The following STKLD1 variants were observed in gnomAD, a reference collection of about 807,000 sequenced individuals.
The protein encoded by STKLD1 is serine/threonine kinase-like domain-containing protein STKLD1.
STKLD1 carries 79 observed loss-of-function variants against 80.4 expected under a neutral mutation model. That is an observed-to-expected ratio of 0.98 (90% CI 0.82 to 1.19). The LOEUF is 1.19. STKLD1 is among the 50% of genes most tolerant of loss of function. The pLI, the probability that STKLD1 is intolerant of heterozygous loss-of-function variation, is 0.00. For missense variants in STKLD1, 841 were observed against 856.0 expected (o/e 0.98, Z 0.22); for synonymous variants, 393 against 357.6 (o/e 1.10, Z -1.12).
At position 133,389,691 on chromosome 9, in the gene STKLD1, G is replaced by C; in HGVS notation, c.467+95G>C. 1 of 1,563,094 alleles carries C rather than the reference G, an allele frequency of 6.4e-7. No individual in the cohort carries two copies. The highest frequency in any genetic ancestry group is 2.3e-5 in the East Asian group (1 of 43,408). ...GTGCCAGTGCCCGTGGGCAGGATCT[G>C]GGGAGAAAGGTGCACCGGGCCAGTG... is the stretch of plus-strand genomic sequence containing the variant. On this transcript the variant is annotated intron_variant, in intron 6 of 17. Transcript: ENST00000371957. This position sits in a 1 kb window ranked among gnomAD's most constrained non-coding sequence, Gnocchi z 6.4.
At chr9:133,396,027 T>A (rs990584836) in intron 9 of STKLD1, 3 of 303,696 alleles carry the variant, frequency 9.9e-6, no homozygotes, top group Non-Finnish European at 1.2e-5. Context: ...CACGACACTT[T>A]TAGGGTTCCA....
intron 11 of STKLD1, among the ~76,000 whole-genome samples, chr9:133,399,860 CAG>C (rs1175185280): frequency 7.0e-6 from 1 of 141,922 alleles, no homozygotes; most frequent in Non-Finnish European, 1.5e-5. Flanking sequence ...GCCTAGGCGA[CAG>C]AGTGAGACTC....
At chr9:133,404,254 T>G (rs1340099173) in intron 16 of STKLD1, among the ~76,000 whole-genome samples, 1 of 152,236 alleles carries the variant, frequency 6.6e-6, no homozygotes, top group Non-Finnish European at 1.5e-5. Context: ...GTCTCTGCGT[T>G]ATGCTACCCT....
In STKLD1 at chr9:133,401,734, G is replaced by A. The variant is rs1554777694; in HGVS notation, c.1199-4G>A. 6.2e-7 allele frequency: 1 copy of A among 1,610,900 alleles called. No homozygotes were observed. Among genetic ancestry groups the A allele is most frequent in the East Asian group, 2.2e-5 (1 of 44,782 alleles). On this transcript the variant is annotated splice_region_variant and splice_polypyrimidine_tract_variant and intron_variant, in intron 12 of 17. Transcript: ENST00000371957. ...CCCCAGGCGTCTTCCTCTGGCTTGA[G>A]CAGCGCTGGTGCACCACCCGGAAGC...
At position 133,389,393 on chromosome 9, in the gene STKLD1, T is replaced by G; in HGVS notation, c.397-133T>G. On this transcript the variant is annotated intron_variant, in intron 5 of 17. Transcript: ENST00000371957. This position sits in a 1 kb window ranked among gnomAD's most constrained non-coding sequence, Gnocchi z 6.4. The stretch of plus-strand genomic sequence containing the variant: ...TGAAGCCTCCTCCACCCTGAGCGCT[T>G]GGCTGGCTTCAGGCCTGTCTCAAGA... 1.4e-6 allele frequency: 2 copies of G among 1,464,092 alleles called. No individual in the cohort carries two copies. Among genetic ancestry groups the G allele is most frequent in the East Asian group, 5.1e-5 (2 of 39,358 alleles). The allele number at this position is 1,464,092 out of a possible 1,614,324, so 90.7% of individuals were successfully genotyped here. A position where few individuals can be genotyped will look rare whatever the true frequency, so the allele number is the denominator to read the frequency against.
At chr9:133,386,858 G>A (rs1162396763) in intron 4 of STKLD1, among the ~76,000 whole-genome samples, 3 of 152,206 alleles carry the variant, frequency 2.0e-5, no homozygotes, top group African/African-American at 7.2e-5. Context: ...TCCCACCTGG[G>A]GCCAACAATC....
intron 2 of STKLD1, among the ~76,000 whole-genome samples, chr9:133,382,093 C>G (rs1210196506): frequency 6.6e-6 from 1 of 152,176 alleles, no homozygotes; most frequent in African/African-American, 2.4e-5. Flanking sequence ...CCCTTGCCAC[C>G]ACCCTTCCCT....
At chr9:133,380,914 T>C (rs962424449) in intron 2 of STKLD1, among the ~76,000 whole-genome samples, 1 of 152,094 alleles carries the variant, frequency 6.6e-6, no homozygotes, top group Admixed American at 6.5e-5. Context: ...CCCGTCTTGC[T>C]TGATGTGCTG....
chr9:133,385,485 C>A lies in STKLD1; in HGVS notation c.220-132C>A. The A allele has an allele frequency of 1.2e-6, 1 of 853,966 alleles. No homozygotes were observed. The highest frequency in any genetic ancestry group is 2.6e-5 in the East Asian group (1 of 38,602). 52.9% of individuals were successfully genotyped at this position (853,966 alleles called of 1,614,324 possible). A position where few individuals can be genotyped will look rare whatever the true frequency, so the allele number is the denominator to read the frequency against. ...GGCTCCCAACCACCGTGCAGCTTCC[C>A]TGAGCCCACTCCCTGGCCCAGCTCA... On this transcript the variant is annotated intron_variant, in intron 3 of 17. Coordinates refer to ENST00000371957, the MANE Select transcript of STKLD1 (RefSeq NM_153710.5). This position sits in a 1 kb window ranked among gnomAD's most constrained non-coding sequence, Gnocchi z 4.9.
In STKLD1 at chr9:133,376,438, G is replaced by A. The variant is rs2130247607; in HGVS notation, c.-36G>A. 5.8e-6 allele frequency: 9 copies of A among 1,542,190 alleles called. No individual in the cohort carries two copies. The highest frequency in any genetic ancestry group is 1.8e-4 in the Middle Eastern group (1 of 5,412). On this transcript the variant is annotated 5_prime_UTR_variant, in exon 1 of 18. Coordinates refer to ENST00000371957, the MANE Select transcript of STKLD1 (RefSeq NM_153710.5). ...ACTGACCCACGCGGGGTGGGGCCAG[G>A]GGTGGACGCTCGCCCGTACGCGGTC...
At position 133,395,768 on chromosome 9, in the gene STKLD1, G is replaced by A; in HGVS notation, c.866+5G>A. On this transcript the variant is annotated splice_donor_5th_base_variant and intron_variant, in intron 9 of 17. Coordinates refer to ENST00000371957, the MANE Select transcript of STKLD1 (RefSeq NM_153710.5). ...CTCGGATCGAATAACGATAAAGTGA[G>A]CTCAGGGTCGGGGTTTATTTTAACC... is the stretch of plus-strand genomic sequence containing the variant. The A allele has an allele frequency of 6.2e-7, 1 of 1,612,922 alleles. No individual in the cohort carries two copies. The highest frequency in any genetic ancestry group is 8.5e-7 in the Non-Finnish European group (1 of 1,179,716).
In STKLD1 at chr9:133,376,470, G is replaced by A. The variant is rs2130248228; in HGVS notation, c.-4G>A. The A allele has an allele frequency of 5.7e-6, 9 of 1,584,270 alleles. No individual in the cohort carries two copies. Among genetic ancestry groups the A allele is most frequent in the Non-Finnish European group, 7.7e-6 (9 of 1,167,822 alleles). The stretch of plus-strand genomic sequence containing the variant: ...CGCTCGCCCGTACGCGGTCGCTACT[G>A]ATCATGCTTGGGCCAGGGTCCAATC... On this transcript the variant is annotated 5_prime_UTR_variant, in exon 1 of 18. Coordinates refer to ENST00000371957, the MANE Select transcript of STKLD1 (RefSeq NM_153710.5).
At position 133,395,583 on chromosome 9, in the gene STKLD1, G is replaced by A. The variant is rs1838538386; in HGVS notation, c.703-17G>A. The A allele has an allele frequency of 1.2e-6, 2 of 1,611,966 alleles. No homozygotes were observed. The highest frequency in any genetic ancestry group is 4.5e-5 in the East Asian group (2 of 44,844). Reference sequence around the variant, plus strand: ...TTTACTTAAGGGAATACACAGAGCTGTCCTCTCTCCGTGCAGGGCACAGAA... The same window carrying A: ...TTTACTTAAGGGAATACACAGAGCTATCCTCTCTCCGTGCAGGGCACAGAA... On this transcript the variant is annotated splice_polypyrimidine_tract_variant and intron_variant, in intron 8 of 17. Coordinates refer to ENST00000371957, the MANE Select transcript of STKLD1 (RefSeq NM_153710.5).
At chr9:133,397,892 GC>G in intron 10 of STKLD1, 79 bp from the exon 11 acceptor site, 1 of 1,168,956 alleles carries the variant, frequency 8.6e-7, no homozygotes, top group South Asian at 1.4e-5. Flanking sequence ...ACAGCAGCCA[GC>G]CCAGTGTGGT....
Position 133,404,889 on chromosome 9 carries a change from G to A in STKLD1, c.1833G>A (p.Val611=), listed in dbSNP as rs2130694197. ...YQLHRDDPEV[V]ENVGMLLVHL... ...TCCACAGGGACGACCCGGAGGTGGT[G>A]GAGAACGTGGGCATGCTGCTGGTCC... The change falls in exon 17 of 18, where the codon GTG becomes GTA. Residue 611 remains valine, a synonymous_variant. Coordinates refer to ENST00000371957, the MANE Select transcript of STKLD1 (RefSeq NM_153710.5). 1.9e-6 allele frequency: 3 copies of A among 1,613,430 alleles called. No homozygotes were observed. The highest frequency in any genetic ancestry group is 4.5e-5 in the East Asian group (2 of 44,858).
At chr9:133,376,663 G>A (rs1837967663) in intron 1 of STKLD1, 103 bp downstream of exon 1, 2 of 1,042,174 alleles carry the variant, frequency 1.9e-6, no homozygotes, top group Non-Finnish European at 2.7e-6. Flanking sequence ...AGGGGCCCGC[G>A]CCCTGGCCAG....
In STKLD1 at chr9:133,394,166, C is replaced by A; in HGVS notation, c.584-125C>A. 2 of 705,198 alleles carry A rather than the reference C, an allele frequency of 2.8e-6. No homozygotes were observed. The highest frequency in any genetic ancestry group is 2.6e-6 in the Non-Finnish European group (1 of 384,912). 43.7% of individuals were successfully genotyped at this position (705,198 alleles called of 1,614,324 possible). A position where few individuals can be genotyped will look rare whatever the true frequency, so the allele number is the denominator to read the frequency against. ...TCTTCTGAGAAGAGGACCTGCAGGG[C>A]TTGTGTTTCAAGCTGCTTGCGGGGG... On this transcript the variant is annotated intron_variant, in intron 7 of 17. Transcript: ENST00000371957. The surrounding 1 kb of genome is among the most constrained non-coding windows in gnomAD (Gnocchi z 4.9).
In STKLD1 at chr9:133,403,002, C is replaced by A; in HGVS notation, c.1464C>A (p.Leu488=). 6.4e-7 allele frequency: 1 copy of A among 1,569,044 alleles called. No homozygotes were observed. The highest frequency in any genetic ancestry group is 2.4e-5 in the East Asian group (1 of 42,526). The change falls in exon 14 of 18, where the codon CTC becomes CTA. Residue 488 remains leucine (L), a synonymous_variant. Coordinates refer to ENST00000371957, the MANE Select transcript of STKLD1 (RefSeq NM_153710.5). The stretch of plus-strand genomic sequence containing the variant: ...GCGGCCTGGGCCTGCTCTGGGCCCT[C>A]CTGCTGGACGGTGAGGGGCCCTCCT... ...CASGLGLLWA[L]LLDGIIVNKA... is the part of the protein sequence containing the mutation.
intron 13 of STKLD1, 64 bp from the exon 14 acceptor site, chr9:133,402,814 A>G: frequency 1.3e-6 from 2 of 1,549,350 alleles, no homozygotes; most frequent in Non-Finnish European, 1.7e-6. Context: ...GCCCAAGGAC[A>G]ACAGAGGCAG....
Sources: gnomAD v4.1 joint callset for allele counts (sites outside exome capture counted in the v4.1 genomes callset) on GRCh38, gnomAD v4.1.1 for gene constraint, Gnocchi (gnomAD v3.1) non-coding constraint, MANE v1.5 for transcripts, NCBI Gene and HGNC (gene_info 2026-07-23, HGNC 2026-07-21) for gene names.